The following AGBL4 variants were observed in gnomAD, a reference collection of about 807,000 sequenced individuals.
The protein encoded by AGBL4 is AGBL carboxypeptidase 4.
Under a neutral mutation model 66.4 loss-of-function variants are expected in AGBL4, and 58 were observed. The ratio of observed to expected loss-of-function variants is 0.87; its 90% confidence interval spans 0.71 to 1.09. The LOEUF is 1.09. Ranked by LOEUF, AGBL4 falls within the 50% of genes least tolerant of loss-of-function variation. The probability of loss-of-function intolerance (pLI) is 0.00; values close to 1 mark genes in which losing one functional copy is unlikely to be tolerated. For missense variants in AGBL4, 579 were observed against 631.0 expected, an observed-to-expected ratio of 0.92 and a Z score of 0.88; for synonymous variants, 234 against 222.9, an observed-to-expected ratio of 1.05 and a Z score of -0.44.
At chr1:48,769,814 C>G (rs1182607642) in intron 6 of AGBL4, among the ~76,000 whole-genome samples, 1 of 152,166 alleles carries the variant, frequency 6.6e-6, no homozygotes, top group African/African-American at 2.4e-5. Context: ...AGATGAGCAC[C>G]TGGAACTCAG....
intron 3 of AGBL4, among the ~76,000 whole-genome samples, chr1:49,650,864 A>T (rs2124446052): frequency 6.6e-6 from 1 of 152,270 alleles, no homozygotes; most frequent in East Asian, 1.9e-4. Context: ...ACTATTGTGG[A>T]TGTAGCAGAG....
chr1:49,328,821 G>T (rs1383400756), intron 3 of AGBL4, among the ~76,000 whole-genome samples: 1 of 152,096 alleles, frequency 6.6e-6, no homozygotes, highest in East Asian at 1.9e-4. Flanking sequence ...ATATTCCAGG[G>T]ATCTTTATTT....
At chr1:48,953,815 C>T (rs968437217) in intron 5 of AGBL4, among the ~76,000 whole-genome samples, 9 of 152,156 alleles carry the variant, frequency 5.9e-5, no homozygotes, top group South Asian at 2.1e-4. Flanking sequence ...TCCAAAGAGA[C>T]GGGCTGCTAA....
chr1:48,853,982 GT>G (rs1261194662), intron 6 of AGBL4, among the ~76,000 whole-genome samples: 1 of 152,146 alleles, frequency 6.6e-6, no homozygotes, highest in Non-Finnish European at 1.5e-5. Context: ...AAGGCCTGGT[GT>G]TATCAACAGA....
At chr1:49,541,908 G>C (rs1386339575) in intron 3 of AGBL4, among the ~76,000 whole-genome samples, 1 of 151,634 alleles carries the variant, frequency 6.6e-6, no homozygotes, top group Non-Finnish European at 1.5e-5. Flanking sequence ...TAGCTAATCT[G>C]GTGGGGACTT....
At chr1:49,008,983 C>A (rs897178797) in intron 5 of AGBL4, among the ~76,000 whole-genome samples, 1 of 149,768 alleles carries the variant, frequency 6.7e-6, no homozygotes, top group Non-Finnish European at 1.5e-5. Context: ...AAAGCAAGAG[C>A]AAACACATTC....
At chr1:49,258,383 A>G (rs1652751751) in intron 3 of AGBL4, among the ~76,000 whole-genome samples, 1 of 152,222 alleles carries the variant, frequency 6.6e-6, no homozygotes, top group South Asian at 2.1e-4. Context: ...ATTCGAACCA[A>G]AGGCAAAGAA....
intron 4 of AGBL4, among the ~76,000 whole-genome samples, chr1:49,085,735 A>C (rs1469122424): frequency 1.3e-5 from 2 of 152,100 alleles, no homozygotes; most frequent in African/African-American, 4.8e-5. Flanking sequence ...AGGGTGAGTA[A>C]GTGAGGGTCC....
chr1:49,527,094 A>T (rs908597836), intron 3 of AGBL4: 1 of 152,162 alleles, frequency 6.6e-6, no homozygotes, highest in African/African-American at 2.4e-5. Flanking sequence ...GAAACTAAAA[A>T]TAATAAAACC....
chr1:49,731,892 A>T (rs1342708213), intron 2 of AGBL4, among the ~76,000 whole-genome samples: 1 of 152,192 alleles, frequency 6.6e-6, no homozygotes, highest in African/African-American at 2.4e-5. Flanking sequence ...TCAGAGAAGG[A>T]TTTGAATTTG....
intron 6 of AGBL4, chr1:48,727,388 T>A (rs968547228): frequency 6.6e-6 from 1 of 152,020 alleles, no homozygotes; most frequent in Non-Finnish European, 1.5e-5. Context: ...AGCAACCACA[T>A]CTCTTAGGAA....
At chr1:49,939,606 G>A (rs1340986434) in intron 1 of AGBL4, among the ~76,000 whole-genome samples, 2 of 152,148 alleles carry the variant, frequency 1.3e-5, no homozygotes, top group South Asian at 2.1e-4. Flanking sequence ...ATGGGGAAAG[G>A]ATTCCCTATT....
At chr1:48,973,437 TA>T (rs1344781484) in intron 5 of AGBL4, among the ~76,000 whole-genome samples, 2 of 152,134 alleles carry the variant, frequency 1.3e-5, no homozygotes, top group Non-Finnish European at 2.9e-5. Context: ...AATGACAATC[TA>T]TTGCTAGAAA....
chr1:48,586,078 A>G (rs1644814773), intron 11 of AGBL4: 2 of 152,252 alleles, frequency 1.3e-5, no homozygotes, highest in African/African-American at 4.8e-5. Flanking sequence ...GATCAACCCG[A>G]AAACAAAGGA....
At position 49,911,769 on chromosome 1, in the gene AGBL4, G is replaced by A. The variant is rs368258854; in HGVS notation, c.35-60251C>T. On this transcript the variant is annotated intron_variant, in intron 1 of 13. Transcript: ENST00000371839. ...TACAGTCCCATTTGGCCTTGAGCCTGCAACCAAAACCATCTGCCACGGGGT... is the reference window on the plus strand; with the variant it reads ...TACAGTCCCATTTGGCCTTGAGCCTACAACCAAAACCATCTGCCACGGGGT... Among the ~76,000 whole-genome samples the A allele has an allele frequency of 1.6e-3, 239 of 152,272 alleles. 1 individual carries two copies. The highest frequency in any genetic ancestry group is 4.9e-3 in the African/African-American group (204 of 41,554).
At chr1:48,853,241 T>C (rs1158241538) in intron 6 of AGBL4, among the ~76,000 whole-genome samples, 1 of 152,184 alleles carries the variant, frequency 6.6e-6, no homozygotes, top group East Asian at 1.9e-4. Context: ...TCTGGAAAGA[T>C]GATCCTCCAG....
At chr1:49,474,282 T>C (rs1232231622) in intron 3 of AGBL4, among the ~76,000 whole-genome samples, 1 of 152,148 alleles carries the variant, frequency 6.6e-6, no homozygotes, top group African/African-American at 2.4e-5. Context: ...TTTCCATTTA[T>C]TTGTGTCATC....
chr1:49,744,640 TATA>T (rs1307492676), intron 2 of AGBL4, among the ~76,000 whole-genome samples: 2 of 152,058 alleles, frequency 1.3e-5, no homozygotes, highest in Admixed American at 6.6e-5. Flanking sequence ...AAAAGAATGA[TATA>T]ATATGAAAAA....
At chr1:48,847,919 C>T (rs1230857718) in intron 6 of AGBL4, among the ~76,000 whole-genome samples, 1 of 152,052 alleles carries the variant, frequency 6.6e-6, no homozygotes, top group Non-Finnish European at 1.5e-5. Context: ...AATAGAAAAA[C>T]ATAATTCTCA....
Sources: allele counts gnomAD v4.1 joint callset (sites outside exome capture counted in the v4.1 genomes callset), GRCh38; gene constraint gnomAD v4.1.1; transcripts MANE v1.5; gene names NCBI Gene and HGNC (gene_info 2026-07-23, HGNC 2026-07-21).